Variants in ODAD2 observed in about 807,000 individuals in gnomAD.
ODAD2 encodes outer dynein arm docking complex subunit 2, also known as outer dynein arm-docking complex subunit 2.
In ODAD2, 89 loss-of-function variants were observed where a neutral mutation model predicts 106.8. The ratio of observed to expected loss-of-function variants is 0.83; its 90% CI spans 0.70 to 0.99. The LOEUF (loss-of-function observed/expected upper bound fraction) is 0.99. Ranked by LOEUF, ODAD2 falls within the 50% of genes least tolerant of loss-of-function variation. The pLI is 0.00. For synonymous variants in ODAD2, 404 were observed against 436.2 expected (o/e 0.93, Z 0.92); for missense variants, 1,168 against 1,238.5 (o/e 0.94, Z 0.85).
chr10:27,926,705 T>G (rs934516715), intron 16 of ODAD2, among the ~76,000 whole-genome samples: 2 of 152,158 alleles, frequency 1.3e-5, no homozygotes, highest in African/African-American at 4.8e-5. Flanking sequence ...ACAAAGAAAG[T>G]AAAGATCCTG....
intron 16 of ODAD2, among the ~76,000 whole-genome samples, chr10:27,923,968 A>AAGAAAG (rs1844986105): frequency 7.9e-6 from 1 of 126,230 alleles, no homozygotes; most frequent in Admixed American, 8.2e-5. Flanking sequence ...GAAAGAAAGA[A>AAGAAAG]AGAAAGAAAG....
chr10:27,903,841 G>C (rs147553676), intron 17 of ODAD2, among the ~76,000 whole-genome samples: 6 of 152,248 alleles, frequency 3.9e-5, no homozygotes, highest in African/African-American at 1.4e-4. Flanking sequence ...CAGGCTGCCT[G>C]TCATTTCCAT....
intron 17 of ODAD2, among the ~76,000 whole-genome samples, chr10:27,897,166 C>T (rs770926116): frequency 2.6e-4 from 40 of 152,066 alleles, no homozygotes; most frequent in African/African-American, 8.7e-4. Context: ...CCTTCCCACC[C>T]GCCTGCCTTC....
At chr10:27,891,385 T>G (rs74127142) in intron 17 of ODAD2, among the ~76,000 whole-genome samples, 4,924 of 152,058 alleles carry the variant, frequency 0.032, 290 homozygotes, top group African/African-American at 0.11. Context: ...TTTGTTTTTT[T>G]TTTTTCCTTC....
At chr10:27,843,196 T>A (rs1453233399) in intron 19 of ODAD2, among the ~76,000 whole-genome samples, 1 of 152,180 alleles carries the variant, frequency 6.6e-6, no homozygotes, top group Non-Finnish European at 1.5e-5. Context: ...TTTTAAAAAA[T>A]AAGCTGAAGC....
intron 17 of ODAD2, among the ~76,000 whole-genome samples, chr10:27,882,300 A>T (rs902949432): frequency 6.6e-6 from 1 of 151,766 alleles, no homozygotes; most frequent in Non-Finnish European, 1.5e-5. Flanking sequence ...CTGGAATAAA[A>T]TTTTTTTTTA....
chr10:27,984,069 A>T, intron 5 of ODAD2, 90 bp from the exon 6 acceptor site: 1 of 1,529,402 alleles, frequency 6.5e-7, no homozygotes. Flanking sequence ...TATTGTGGAA[A>T]TTTTAAGCTT....
intron 10 of ODAD2, among the ~76,000 whole-genome samples, chr10:27,954,717 A>G (rs1026087015): frequency 3.3e-5 from 5 of 152,250 alleles, no homozygotes; most frequent in Non-Finnish European, 5.9e-5. Flanking sequence ...AGAGGCAAGG[A>G]AAGTTTAAAG....
intron 7 of ODAD2, among the ~76,000 whole-genome samples, chr10:27,973,639 G>A (rs570319529): frequency 1.3e-5 from 2 of 152,124 alleles, no homozygotes; most frequent in South Asian, 4.2e-4. Flanking sequence ...TGGCTGTGTA[G>A]TATTCCATGG....
chr10:27,937,085 G>T (rs1277528887), intron 14 of ODAD2, among the ~76,000 whole-genome samples: 10 of 152,136 alleles, frequency 6.6e-5, no homozygotes, highest in Admixed American at 5.2e-4. Flanking sequence ...TTTGGGAATG[G>T]ATAGCAGTTT....
chr10:27,917,817 G>A (rs937606092), intron 16 of ODAD2, among the ~76,000 whole-genome samples: 1 of 151,686 alleles, frequency 6.6e-6, no homozygotes, highest in East Asian at 1.9e-4. Flanking sequence ...GAGACTGATG[G>A]AGAGAGAGAA....
At chr10:27,936,649 C>T in intron 15 of ODAD2, 77 bp downstream of exon 15, 1 of 1,499,214 alleles carries the variant, frequency 6.7e-7, no homozygotes, top group Non-Finnish European at 9.3e-7. Context: ...TGACTCCTTA[C>T]TAGAATGGCA....
chr10:27,866,048 A>G (rs1027139475), intron 17 of ODAD2, among the ~76,000 whole-genome samples: 2 of 152,244 alleles, frequency 1.3e-5, no homozygotes, highest in African/African-American at 4.8e-5. Context: ...ATTTCTGTGT[A>G]ATACAAAAGA....
intron 2 of ODAD2, among the ~76,000 whole-genome samples, chr10:27,993,970 A>G (rs1188407622): frequency 2.7e-4 from 29 of 108,530 alleles, no homozygotes; most frequent in African/African-American, 7.5e-4. Flanking sequence ...ATATATATAT[A>G]TATATGTGTG....
In ODAD2 at chr10:27,825,068, T is replaced by A. The variant is rs1242244851; in HGVS notation, c.3022-12443A>T. On this transcript the variant is annotated intron_variant, in intron 19 of 19. Coordinates refer to ENST00000305242, the MANE Select transcript of ODAD2 (RefSeq NM_018076.5). ...TTTCCCACAGCCTCCCCTACTCAGC[T>A]GATGCCAACTCATCTCTCTAGTTGC... is the stretch of plus-strand genomic sequence containing the variant. 3.3e-5 allele frequency among the ~76,000 whole-genome samples: 5 copies of A among 152,208 alleles called. No homozygotes were observed. The East Asian group carries it at 9.6e-4, about 29-fold the overall frequency.
chr10:27,901,594 C>T (rs1272146426), intron 17 of ODAD2, among the ~76,000 whole-genome samples: 1 of 152,006 alleles, frequency 6.6e-6, no homozygotes, highest in South Asian at 2.1e-4. Flanking sequence ...CAGACATAGG[C>T]TCAAAATAAA....
At chr10:27,938,584 G>A (rs1846158799) in intron 14 of ODAD2, among the ~76,000 whole-genome samples, 1 of 150,910 alleles carries the variant, frequency 6.6e-6, no homozygotes. Flanking sequence ...TGACTCCCTT[G>A]TATCTGTCTC....
intron 19 of ODAD2, among the ~76,000 whole-genome samples, chr10:27,843,769 A>G (rs1335517341): frequency 6.6e-6 from 1 of 152,202 alleles, no homozygotes; most frequent in Non-Finnish European, 1.5e-5. Flanking sequence ...TCTGTCTCAA[A>G]AAAAAACAAA....
chr10:27,974,587 G>C (rs1849067158), intron 7 of ODAD2, among the ~76,000 whole-genome samples: 1 of 151,830 alleles, frequency 6.6e-6, no homozygotes, highest in Non-Finnish European at 1.5e-5. Flanking sequence ...ATTGGTCTAT[G>C]TGTCTTCTTT....
Sources: gnomAD v4.1 joint callset for allele counts (sites outside exome capture counted in the v4.1 genomes callset) on GRCh38, gnomAD v4.1.1 for gene constraint, MANE v1.5 for transcripts, NCBI Gene and HGNC (gene_info 2026-07-23, HGNC 2026-07-21) for gene names.